PIEZO1: variants seen among roughly 807,000 people sequenced by gnomAD.
PIEZO1 encodes piezo type mechanosensitive ion channel component 1 (Er blood group).
In PIEZO1, 296 loss-of-function variants were observed where a neutral mutation model predicts 297.2. The observed-to-expected ratio is 1.00, with a 90% CI of 0.91 to 1.10. The LOEUF (loss-of-function observed/expected upper bound fraction) is 1.10, where lower values mean the gene tolerates loss of function less well. Among genes scored for constraint, PIEZO1 ranks in the 50% least tolerant of loss-of-function variants. PIEZO1 has a pLI of 0.00. For missense variants in PIEZO1, 5,018 were observed against 3,455.5 expected, an observed-to-expected ratio of 1.45 and a Z score of -11.34; for synonymous variants, 2,427 against 1,507.5, an observed-to-expected ratio of 1.61 and a Z score of -14.13.
At position 88,715,350 on chromosome 16, in the gene PIEZO1, T is replaced by C. The variant is rs1272721802; in HGVS notation, c.*255A>G. On this transcript the variant is annotated 3_prime_UTR_variant, in exon 51 of 51. Coordinates refer to ENST00000301015, the MANE Select transcript of PIEZO1 (RefSeq NM_001142864.4). ...CGGGGGACTGGCCTCTGATTGTCCA[T>C]TTGTATAAATAAAACATTTTTTAAT... The C allele has an allele frequency of 1.1e-5, 14 of 1,268,052 alleles. No homozygotes were observed. The highest frequency in any genetic ancestry group is 3.0e-5 in the African/African-American group (2 of 66,192). The allele number at this position is 1,268,052 out of a possible 1,614,324, so 78.6% of individuals were successfully genotyped here.
chr16:88,715,879 G>A (rs1437666592), intron 50 of PIEZO1, 25 bp from the exon 51 acceptor site: 2 of 1,546,766 alleles, frequency 1.3e-6, no homozygotes, highest in Admixed American at 2.0e-5. Flanking sequence ...GGTGAGTCCT[G>A]GGGCCGCCCG....
rs1266252311 is a variant in PIEZO1, at chr16:88,737,745, C to G, written c.1090G>C (p.Glu364Gln). 6.5e-7 allele frequency: 1 copy of G among 1,535,760 alleles called. No individual in the cohort carries two copies. Among genetic ancestry groups the G allele is most frequent in the Non-Finnish European group, 8.7e-7 (1 of 1,146,722 alleles). The change falls in exon 9 of 51, where the codon GAA (glutamate) becomes CAA (glutamine). Residue 364 changes from glutamate (E) to glutamine (Q), a missense_variant. Coordinates refer to ENST00000301015, the MANE Select transcript of PIEZO1 (RefSeq NM_001142864.4). ...ELAELDQWPQ[E>Q]RESDQHVVPT... is the part of the protein sequence containing the mutation. ...CTGCTCACCTGGTCAGACTCCCGTT[C>G]CTGGGGCCACTGGTCCAGCTCTGCT...
At chr16:88,746,082 G>A (rs1906039487) in intron 2 of PIEZO1, among the ~76,000 whole-genome samples, 2 of 151,586 alleles carry the variant, frequency 1.3e-5, no homozygotes, top group Admixed American at 1.3e-4. Context: ...GATCCATGGG[G>A]TGTGCATGGG....
chr16:88,743,549 G>A (rs749628437), intron 2 of PIEZO1: 14 of 456,512 alleles, frequency 3.1e-5, no homozygotes, highest in East Asian at 6.9e-5. Context: ...GCCCTCTCTC[G>A]GCCTCGGGGC....
In PIEZO1 at chr16:88,721,888, C is replaced by G. The variant is rs760732001; in HGVS notation, c.5134G>C (p.Val1712Leu). The G allele has an allele frequency of 7.1e-6, 11 of 1,550,052 alleles. No homozygotes were observed. In the South Asian group the frequency reaches 9.5e-5, roughly 13 times the overall value. The change falls in exon 37 of 51, where the codon GTG (valine) becomes CTG (leucine). Residue 1712 changes from valine (V) to leucine (L), a missense_variant. Val to Leu is a conservative substitution (Grantham distance 32). Transcript: ENST00000301015. Reference protein sequence around the residue: ...TASAGSLVLPVLVFLWAMLSI... With the variant: ...TASAGSLVLPLLVFLWAMLSI... Reference sequence around the variant, plus strand: ...AGCATGGCCCACAGGAAGACGAGCACGGGCAGCACCAGCGAGCCGGCGGAG... The same window carrying G: ...AGCATGGCCCACAGGAAGACGAGCAGGGGCAGCACCAGCGAGCCGGCGGAG...
At chr16:88,781,980 C>T (rs923404564) in intron 1 of PIEZO1, among the ~76,000 whole-genome samples, 1 of 152,262 alleles carries the variant, frequency 6.6e-6, no homozygotes, top group Non-Finnish European at 1.5e-5. Flanking sequence ...TGTCAGCCCA[C>T]GTGGGTGTCC....
At chr16:88,779,331 G>T (rs561376884) in intron 1 of PIEZO1, among the ~76,000 whole-genome samples, 2 of 152,186 alleles carry the variant, frequency 1.3e-5, no homozygotes, top group Non-Finnish European at 2.9e-5. Context: ...GAGCCACCGC[G>T]CCCGGCAAGG....
At position 88,722,582 on chromosome 16, in the gene PIEZO1, C is replaced by T. The variant is rs1423154405; in HGVS notation, c.4775+1G>A. The T allele has an allele frequency of 6.5e-7, 1 of 1,528,518 alleles. No homozygotes were observed. The highest frequency in any genetic ancestry group is 8.8e-7 in the Non-Finnish European group (1 of 1,139,210). The allele number at this position is 1,528,518 out of a possible 1,614,324, so 94.7% of individuals were successfully genotyped here. On this transcript the variant is annotated splice_donor_variant, in intron 35 of 50. Coordinates refer to ENST00000301015, the MANE Select transcript of PIEZO1 (RefSeq NM_001142864.4). LOFTEE classifies it high-confidence loss of function. ...GGGGCTCGGGTCACCCCCGCACCTA[C>T]CTGGACACGGTGCTTGGGGCATTGG...
At chr16:88,755,319 C>G (rs923753074) in intron 1 of PIEZO1, among the ~76,000 whole-genome samples, 1 of 152,244 alleles carries the variant, frequency 6.6e-6, no homozygotes, top group Non-Finnish European at 1.5e-5. Context: ...TCCAGACTGG[C>G]TGGTTGATGC....
Position 88,727,099 on chromosome 16 carries a change from G to A in PIEZO1, c.3395C>T (p.Thr1132Ile), listed in dbSNP as rs767222696. The A allele has an allele frequency of 4.5e-6, 7 of 1,550,008 alleles. No individual in the cohort carries two copies. The South Asian group carries it at 4.8e-5, about 11-fold the overall frequency. The change falls in exon 24 of 51, where the codon ACC becomes ATC. Residue 1132 changes from threonine to isoleucine, a missense_variant. Thr to Ile is a moderately conservative substitution (Grantham distance 89). Coordinates refer to ENST00000301015, the MANE Select transcript of PIEZO1 (RefSeq NM_001142864.4). ...EEWQRMAGVNTDRLEPLRGEP... is the reference protein window; with the variant it reads ...EEWQRMAGVNIDRLEPLRGEP... The stretch of plus-strand genomic sequence containing the variant: ...CCCCCGCAGCGGCTCCAGGCGGTCG[G>A]TGTTGACGCCAGCCATGCGCTGCCA...
chr16:88,738,727 C>T lies in PIEZO1; in HGVS notation c.475G>A (p.Glu159Lys). ...GTCGGGCTGGCATCCACATCCCTCT[C>T]ATCATCATCCTGCCAAGGTCACGGA... ...SPHPRELDDD[E>K]RDVDASPTAG... Residue 159 changes from glutamate to lysine, a missense_variant, in exon 6 of 51, where the codon GAG (glutamate) becomes AAG (lysine). Glu to Lys is a moderately conservative substitution (Grantham distance 56, BLOSUM62 1). Coordinates refer to ENST00000301015, the MANE Select transcript of PIEZO1 (RefSeq NM_001142864.4). 6.5e-7 allele frequency: 1 copy of T among 1,529,962 alleles called. No homozygotes were observed. Among genetic ancestry groups the T allele is most frequent in the Non-Finnish European group, 8.8e-7 (1 of 1,142,128 alleles). 94.8% of individuals were successfully genotyped at this position (1,529,962 alleles called of 1,614,324 possible).
intron 1 of PIEZO1, among the ~76,000 whole-genome samples, chr16:88,771,304 C>T (rs1460978401): frequency 6.6e-6 from 1 of 152,118 alleles, no homozygotes; most frequent in Non-Finnish European, 1.5e-5. Flanking sequence ...GAGAGATTCA[C>T]CCAACCACCG....
Position 88,720,211 on chromosome 16 carries a change from G to C in PIEZO1, c.6022C>G (p.Leu2008Val), listed in dbSNP as rs907894203. Residue 2008 changes from leucine to valine, a missense_variant, in exon 42 of 51, where the codon CTG becomes GTG. Physicochemically the swap from Leu to Val is conservative, Grantham distance 32 (BLOSUM62 1). Transcript: ENST00000301015. ...ACCATGGTACTGAACTGGATCAGCA[G>C]CATGACCAGGAAAGCCTCGGGTACC... ...DQVPEAFLVMLLIQFSTMVVD... is the reference protein window; with the variant it reads ...DQVPEAFLVMVLIQFSTMVVD... 9.7e-6 allele frequency: 15 copies of C among 1,550,580 alleles called. No homozygotes were observed. The East Asian group carries it at 3.2e-4, about 33-fold the overall frequency.
chr16:88,717,371 A>T, intron 44 of PIEZO1, 160 bp from the exon 45 acceptor site: 1 of 674,202 alleles, frequency 1.5e-6, no homozygotes, highest in South Asian at 1.6e-5. Flanking sequence ...GTGGAGTAGA[A>T]CTAAGAGTCC....
chr16:88,718,016 G>C, intron 44 of PIEZO1: 1 of 329,032 alleles, frequency 3.0e-6, no homozygotes, highest in South Asian at 2.4e-5. Context: ...CTGGGAGGCA[G>C]AGGCTACAGT....
chr16:88,743,309 C>A (rs1157575277), intron 2 of PIEZO1: 2 of 456,122 alleles, frequency 4.4e-6, no homozygotes, highest in Non-Finnish European at 8.8e-6. Context: ...GTCCTTGACC[C>A]ACCGGGTTCT....
chr16:88,782,900 T>C (rs1199546013), intron 1 of PIEZO1, among the ~76,000 whole-genome samples: 1 of 152,180 alleles, frequency 6.6e-6, no homozygotes, highest in Non-Finnish European at 1.5e-5. Context: ...CCCAGGTGAC[T>C]GAGAGAAAAC....
Position 88,726,529 on chromosome 16 carries a change from A to ACCGTC in PIEZO1, c.3796+13_3796+17dup. On this transcript the variant is annotated intron_variant, in intron 26 of 50. Transcript: ENST00000301015. ...GGGCTTCCCCACGCCCTCCCCCGCC[A>ACCGTC]CCGTCCTGGCCACTCACGGTCATAG... is the stretch of plus-strand genomic sequence containing the variant. 1 of 1,547,394 alleles carries ACCGTC rather than the reference A, an allele frequency of 6.5e-7. No homozygotes were observed. Among genetic ancestry groups the ACCGTC allele is most frequent in the Non-Finnish European group, 8.7e-7 (1 of 1,144,616 alleles).
intron 22 of PIEZO1, chr16:88,731,317 C>G (rs553834515): frequency 4.4e-6 from 1 of 226,856 alleles, no homozygotes; most frequent in East Asian, 1.1e-4. Context: ...GGGTGTGGGG[C>G]TGTGGGCTCA....
Sources: gnomAD v4.1 joint callset for allele counts (sites outside exome capture counted in the v4.1 genomes callset) on GRCh38, gnomAD v4.1.1 for gene constraint, MANE v1.5 for transcripts, NCBI Gene and HGNC (gene_info 2026-07-23, HGNC 2026-07-21) for gene names.